RAB30: variants seen among roughly 807,000 people sequenced by gnomAD.
The protein encoded by RAB30 is RAB30, member RAS oncogene family, also known as ras-related protein Rab-30.
In RAB30, 9 loss-of-function variants were observed where a neutral mutation model predicts 25.1. That is an observed-to-expected ratio of 0.36 (90% CI 0.22 to 0.63). The LOEUF is 0.63. Ranked by LOEUF, RAB30 falls within the 20% of genes least tolerant of loss-of-function variation. The pLI is 0.69. For synonymous variants in RAB30, 77 were observed against 86.4 expected, an observed-to-expected ratio of 0.89 and a Z score of 0.60; for missense variants, 140 against 243.5, an observed-to-expected ratio of 0.58 and a Z score of 2.83.
intron 1 of RAB30, among the ~76,000 whole-genome samples, chr11:83,045,149 C>G (rs1349935809): frequency 6.6e-6 from 1 of 152,176 alleles, no homozygotes; most frequent in African/African-American, 2.4e-5. Context: ...ATTGACTCAT[C>G]ACCGGAAGTG....
chr11:83,020,577 C>A (rs564156286), intron 1 of RAB30, among the ~76,000 whole-genome samples: 1 of 152,306 alleles, frequency 6.6e-6, no homozygotes, highest in South Asian at 2.1e-4. Context: ...GTTGAGACCC[C>A]ACCTTCAGGC....
At chr11:83,059,733 T>G (rs779222009) in intron 1 of RAB30, among the ~76,000 whole-genome samples, 1 of 152,196 alleles carries the variant, frequency 6.6e-6, no homozygotes, top group Non-Finnish European at 1.5e-5. Flanking sequence ...CTCGCCTACT[T>G]TATCAGATTG....
intron 1 of RAB30, among the ~76,000 whole-genome samples, chr11:83,050,255 T>TAA (rs778777977): frequency 2.6e-4 from 38 of 143,842 alleles, no homozygotes; most frequent in African/African-American, 9.7e-4. Flanking sequence ...GACCATGTCT[T>TAA]AAAAAAAAAA....
intron 1 of RAB30, among the ~76,000 whole-genome samples, chr11:83,029,750 T>A (rs143567218): frequency 6.6e-6 from 1 of 152,172 alleles, no homozygotes; most frequent in African/African-American, 2.4e-5. Flanking sequence ...TGCATACTTG[T>A]AGCAGCACAA....
rs114460119 is a variant in RAB30, at chr11:83,046,653, C to T, written c.-9+25038G>A. On this transcript the variant is annotated intron_variant, in intron 1 of 4. Transcript: ENST00000527633. The stretch of plus-strand genomic sequence containing the variant: ...CAACTACAGGTGTGTACCACCATAC[C>T]CAGCTAATTTATTTTTATTTTGTAG... 7.5e-3 allele frequency among the ~76,000 whole-genome samples: 1,136 copies of T among 152,054 alleles called. 22 individuals carry two copies. The highest frequency in any genetic ancestry group is 0.026 in the African/African-American group (1,096 of 41,472).
chr11:83,047,394 G>T (rs547691427), intron 1 of RAB30, among the ~76,000 whole-genome samples: 2 of 152,246 alleles, frequency 1.3e-5, no homozygotes, highest in Non-Finnish European at 2.9e-5. Flanking sequence ...CATCTAAACT[G>T]ATCATCTTAA....
At chr11:83,029,119 G>A (rs755471658) in intron 1 of RAB30, among the ~76,000 whole-genome samples, 18 of 152,058 alleles carry the variant, frequency 1.2e-4, no homozygotes, top group South Asian at 4.1e-4. Flanking sequence ...AACAGAGGAC[G>A]CCAACATGAC....
intron 1 of RAB30, among the ~76,000 whole-genome samples, chr11:83,049,143 G>C (rs1858297322): frequency 6.6e-6 from 1 of 152,154 alleles, no homozygotes; most frequent in Non-Finnish European, 1.5e-5. Context: ...TGGGTGTGGT[G>C]GCTCACACCT....
At chr11:83,002,310 C>G (rs1857103768) in intron 1 of RAB30, among the ~76,000 whole-genome samples, 1 of 152,208 alleles carries the variant, frequency 6.6e-6, no homozygotes, top group East Asian at 1.9e-4. Flanking sequence ...ACCGTGCCCT[C>G]CAGCCCAGGA....
intron 1 of RAB30, among the ~76,000 whole-genome samples, chr11:83,025,056 T>C (rs1298402889): frequency 1.3e-5 from 2 of 152,236 alleles, no homozygotes; most frequent in Non-Finnish European, 2.9e-5. Flanking sequence ...GGAAGATGTA[T>C]AGCAACTTGG....
At chr11:83,035,373 C>T (rs1857965532) in intron 1 of RAB30, 1 of 152,316 alleles carries the variant, frequency 6.6e-6, no homozygotes, top group South Asian at 2.1e-4. Context: ...CACAGTATCA[C>T]TGGCTCTGGG....
At position 82,981,275 on chromosome 11, in the gene RAB30, C is replaced by T. The variant is rs1856632882; in HGVS notation, c.*890G>A. The stretch of plus-strand genomic sequence containing the variant: ...AGTTTTTATATTAGAATGTCATCAA[C>T]CATTTGTTTATTTTTTTCATTTTGC... On this transcript the variant is annotated 3_prime_UTR_variant, in exon 5 of 5. Transcript: ENST00000527633. 6.6e-6 allele frequency: 1 copy of T among 152,112 alleles called. No individual in the cohort carries two copies. The highest frequency in any genetic ancestry group is 1.5e-5 in the Non-Finnish European group (1 of 68,034). 9.4% of individuals were successfully genotyped at this position (152,112 alleles called of 1,614,324 possible).
intron 1 of RAB30, among the ~76,000 whole-genome samples, chr11:83,004,887 GT>G (rs762901677): frequency 6.6e-6 from 1 of 152,050 alleles, no homozygotes; most frequent in Admixed American, 6.6e-5. Context: ...ACAAGGTTCT[GT>G]CCCTGGAAGC....
chr11:82,984,463 G>A (rs75933326), intron 4 of RAB30, among the ~76,000 whole-genome samples: 12 of 152,288 alleles, frequency 7.9e-5, no homozygotes, highest in Middle Eastern at 3.4e-3. Context: ...CTGCTACTGG[G>A]ATTACTTCCA....
chr11:83,063,572 C>T (rs1267174932), intron 1 of RAB30, among the ~76,000 whole-genome samples: 4 of 152,178 alleles, frequency 2.6e-5, no homozygotes, highest in South Asian at 2.1e-4. Context: ...ACTTTTATTA[C>T]CACCATCACA....
At chr11:83,009,076 C>CT (rs3037193) in intron 1 of RAB30, among the ~76,000 whole-genome samples, 3,353 of 143,246 alleles carry the variant, frequency 0.023, 103 homozygotes, top group African/African-American at 0.075. Flanking sequence ...AGCGGGAAAC[C>CT]TTTTTTTTTT....
intron 4 of RAB30, among the ~76,000 whole-genome samples, chr11:82,984,008 A>G (rs1456197784): frequency 6.6e-6 from 1 of 152,230 alleles, no homozygotes; most frequent in Non-Finnish European, 1.5e-5. Context: ...GTGGTTAAGT[A>G]AAATTTCTGC....
intron 1 of RAB30, among the ~76,000 whole-genome samples, chr11:83,058,867 A>G (rs922118052): frequency 6.6e-6 from 1 of 152,200 alleles, no homozygotes; most frequent in Admixed American, 6.5e-5. Flanking sequence ...TTCAAACTCC[A>G]GTTTGTAGGC....
intron 1 of RAB30, chr11:83,034,285 A>T (rs1857939966): frequency 6.6e-6 from 1 of 152,144 alleles, no homozygotes; most frequent in East Asian, 1.9e-4. Flanking sequence ...ATCCCAAAAG[A>T]CAGCCAGAGA....
Sources: gnomAD v4.1 joint callset for allele counts (sites outside exome capture counted in the v4.1 genomes callset) on GRCh38, gnomAD v4.1.1 for gene constraint, MANE v1.5 for transcripts, NCBI Gene and HGNC (gene_info 2026-07-23, HGNC 2026-07-21) for gene names.